Variants in DGCR2 observed in about 807,000 individuals in gnomAD.
DGCR2 encodes integral membrane protein DGCR2/IDD.
DGCR2 carries 24 observed loss-of-function variants against 51.6 expected under a neutral mutation model. The ratio of observed to expected loss-of-function variants is 0.47; its 90% CI spans 0.34 to 0.65. DGCR2 has a LOEUF of 0.65. Among genes scored for constraint, DGCR2 ranks in the 30% least tolerant of loss-of-function variants. The probability of loss-of-function intolerance (pLI) is 0.01; values close to 1 mark genes in which losing one functional copy is unlikely to be tolerated. For synonymous variants in DGCR2, 340 were observed against 315.4 expected, an observed-to-expected ratio of 1.08 and a Z score of -0.82; for missense variants, 765 against 772.1, an observed-to-expected ratio of 0.99 and a Z score of 0.11.
chr22:19,065,721 C>T (rs1432560671), intron 3 of DGCR2: 1 of 153,114 alleles, frequency 6.5e-6, no homozygotes, highest in Non-Finnish European at 1.5e-5. Flanking sequence ...ACTCCTACAC[C>T]CACACACGGG....
chr22:19,087,390 ATTC>A (rs1393578551), intron 2 of DGCR2, among the ~76,000 whole-genome samples: 3 of 152,060 alleles, frequency 2.0e-5, no homozygotes, highest in African/African-American at 7.2e-5. Flanking sequence ...TCTAAACAGC[ATTC>A]TTTTCTTTTT....
At chr22:19,048,091 G>A in intron 7 of DGCR2, 1 of 333,162 alleles carries the variant, frequency 3.0e-6, no homozygotes, top group Non-Finnish European at 5.7e-6. Flanking sequence ...TACTGGTGAG[G>A]CTGAGGCAGG....
intron 7 of DGCR2, among the ~76,000 whole-genome samples, chr22:19,042,854 C>T (rs1057020649): frequency 1.3e-5 from 2 of 152,134 alleles, no homozygotes; most frequent in South Asian, 2.1e-4. Context: ...TGTGGTTGGG[C>T]GTGAAGCCTG....
chr22:19,063,794 T>A (rs2082715970), intron 4 of DGCR2, among the ~76,000 whole-genome samples: 1 of 152,242 alleles, frequency 6.6e-6, no homozygotes, highest in Admixed American at 6.5e-5. Context: ...GCTTTCACAA[T>A]TTAAGCAAGA....
intron 2 of DGCR2, among the ~76,000 whole-genome samples, chr22:19,076,724 ATT>A (rs1165827499): frequency 2.0e-3 from 162 of 79,928 alleles, no homozygotes; most frequent in South Asian, 3.6e-3. Flanking sequence ...TCCTTTGCAC[ATT>A]TTTTTTTTTT....
chr22:19,112,147 C>T (rs1601310812), intron 1 of DGCR2, among the ~76,000 whole-genome samples: 1 of 151,870 alleles, frequency 6.6e-6, no homozygotes, highest in South Asian at 2.1e-4. Flanking sequence ...GTGGCACGCA[C>T]CTGTAGTCCC....
At chr22:19,118,620 G>A (rs956115749) in intron 1 of DGCR2, among the ~76,000 whole-genome samples, 1 of 152,206 alleles carries the variant, frequency 6.6e-6, no homozygotes, top group African/African-American at 2.4e-5. Context: ...GAAGGAAGAC[G>A]ACCTTCTAGT....
chr22:19,048,125 G>T (rs1399318368), intron 7 of DGCR2: 2 of 419,764 alleles, frequency 4.8e-6, no homozygotes, highest in Non-Finnish European at 8.8e-6. Context: ...CCCTGGAGGC[G>T]TAAGTTTGAA....
At chr22:19,083,771 T>C (rs1042887966) in intron 2 of DGCR2, among the ~76,000 whole-genome samples, 8 of 140,448 alleles carry the variant, frequency 5.7e-5, no homozygotes, top group Non-Finnish European at 1.1e-4. Flanking sequence ...GATGCCGAGC[T>C]GAAGCTGGAC....
rs776260235 is a variant in DGCR2 at position 19,063,123 on chromosome 22, G to C, written c.625+79C>G. On this transcript the variant is annotated intron_variant, in intron 5 of 9. Transcript: ENST00000263196. ...ACCCCTACGGGCCAGGCAGCACTGGGTAAGAGGGAGGAGGGGAGGCCCCGA... is the reference window on the plus strand; with the variant it reads ...ACCCCTACGGGCCAGGCAGCACTGGCTAAGAGGGAGGAGGGGAGGCCCCGA... 7.5e-5 allele frequency: 103 copies of C among 1,382,318 alleles called. 1 individual carries two copies. The highest frequency in any genetic ancestry group is 1.8e-4 in the Middle Eastern group (1 of 5,618). 85.6% of individuals were successfully genotyped at this position (1,382,318 alleles called of 1,614,324 possible).
intron 2 of DGCR2, among the ~76,000 whole-genome samples, chr22:19,088,046 A>AC (rs925894812): frequency 1.8e-4 from 27 of 151,172 alleles, no homozygotes; most frequent in Non-Finnish European, 3.5e-4. Context: ...TTATTTTGGA[A>AC]CCCCCCCTCA....
At chr22:19,080,134 G>A (rs958977122) in intron 2 of DGCR2, among the ~76,000 whole-genome samples, 2 of 152,188 alleles carry the variant, frequency 1.3e-5, no homozygotes, top group Non-Finnish European at 2.9e-5. Flanking sequence ...GCTGACATCT[G>A]GAGAGCAGGG....
chr22:19,121,909 C>G (rs2083437476), intron 1 of DGCR2: 1 of 273,754 alleles, frequency 3.7e-6, no homozygotes, highest in Non-Finnish European at 6.7e-6. Flanking sequence ...AGGCAACATC[C>G]TGGACAGCAG....
intron 6 of DGCR2, among the ~76,000 whole-genome samples, chr22:19,051,087 G>A (rs1350848547): frequency 1.3e-5 from 2 of 151,120 alleles, no homozygotes; most frequent in Non-Finnish European, 2.9e-5. Flanking sequence ...TACTTGGGAA[G>A]GTGAGGCACA....
intron 2 of DGCR2, among the ~76,000 whole-genome samples, chr22:19,075,847 G>A (rs2082869791): frequency 6.6e-6 from 1 of 152,222 alleles, no homozygotes; most frequent in South Asian, 2.1e-4. Flanking sequence ...CACTTGGGTT[G>A]CTTCCACCTT....
intron 6 of DGCR2, among the ~76,000 whole-genome samples, chr22:19,053,247 C>T (rs2082567991): frequency 6.6e-6 from 1 of 152,182 alleles, no homozygotes; most frequent in Non-Finnish European, 1.5e-5. Context: ...GGCACTGGGC[C>T]TGCTTAAGGC....
At chr22:19,084,181 G>A (rs5993514) in intron 2 of DGCR2, among the ~76,000 whole-genome samples, 74,590 of 150,082 alleles carry the variant, frequency 0.5, 19,495 homozygotes, top group African/African-American at 0.68. Context: ...CTGGCCGCCC[G>A]TCATCTGGGA....
At chr22:19,077,571 A>G (rs1394962410) in intron 2 of DGCR2, among the ~76,000 whole-genome samples, 1 of 152,174 alleles carries the variant, frequency 6.6e-6, no homozygotes, top group East Asian at 1.9e-4. Context: ...CAATACTACA[A>G]TGTTTGGATT....
chr22:19,078,973 G>C (rs1429034381), intron 2 of DGCR2, among the ~76,000 whole-genome samples: 2 of 152,092 alleles, frequency 1.3e-5, no homozygotes, highest in African/African-American at 2.4e-5. Context: ...TTGTTGAGAG[G>C]TTTTTGATTA....
Sources: gnomAD v4.1 joint callset for allele counts (sites outside exome capture counted in the v4.1 genomes callset) on GRCh38, gnomAD v4.1.1 for gene constraint, MANE v1.5 for transcripts, NCBI Gene and HGNC (gene_info 2026-07-23, HGNC 2026-07-21) for gene names.